The following PTPRD variants were observed in gnomAD, a reference collection of about 807,000 sequenced individuals.
The protein encoded by PTPRD is protein tyrosine phosphatase receptor type D, also known as receptor-type tyrosine-protein phosphatase delta.
Under a neutral mutation model 214.5 loss-of-function variants are expected in PTPRD, and 34 were observed. That is an observed-to-expected ratio of 0.16 (90% CI 0.12 to 0.21). PTPRD has a LOEUF of 0.21. Ranked by LOEUF, PTPRD falls within the 10% of genes least tolerant of loss-of-function variation. The pLI is 1.00. For missense variants in PTPRD, 2,545 were observed against 2,398.7 expected (o/e 1.06, Z -1.27); for synonymous variants, 1,128 against 845.7 (o/e 1.33, Z -5.79).
At chr9:9,325,051 A>G (rs1421417617) in intron 9 of PTPRD, among the ~76,000 whole-genome samples, 1 of 152,108 alleles carries the variant, frequency 6.6e-6, no homozygotes, top group Non-Finnish European at 1.5e-5. Flanking sequence ...ATTGATCTAT[A>G]TCTCTGTTTT....
intron 7 of PTPRD, among the ~76,000 whole-genome samples, chr9:9,657,846 A>T (rs935512739): frequency 6.6e-6 from 1 of 152,094 alleles, no homozygotes; most frequent in Non-Finnish European, 1.5e-5. Flanking sequence ...AATGGACAAA[A>T]CCTCCATAAG....
chr9:9,326,105 G>A (rs567492520), intron 9 of PTPRD, among the ~76,000 whole-genome samples: 4 of 152,066 alleles, frequency 2.6e-5, no homozygotes, highest in African/African-American at 9.6e-5. Flanking sequence ...ATTCTCTTAA[G>A]TGAACTCCAC....
chr9:10,272,272 C>T (rs367855262), intron 3 of PTPRD, among the ~76,000 whole-genome samples: 1 of 152,160 alleles, frequency 6.6e-6, no homozygotes, highest in Non-Finnish European at 1.5e-5. Flanking sequence ...CATCTTGTAA[C>T]ATGTATCAGC....
At chr9:10,427,513 G>A (rs920103662) in intron 2 of PTPRD, among the ~76,000 whole-genome samples, 1 of 151,898 alleles carries the variant, frequency 6.6e-6, no homozygotes, top group Non-Finnish European at 1.5e-5. Context: ...ATGGCCCATC[G>A]GCAGCTGACA....
At chr9:8,775,042 C>G (rs189851809) in intron 11 of PTPRD, among the ~76,000 whole-genome samples, 5 of 152,144 alleles carry the variant, frequency 3.3e-5, no homozygotes, top group Admixed American at 6.5e-5. Context: ...AATAATAACC[C>G]ACAAGTCTCC....
chr9:8,894,234 A>G (rs1465479263), intron 11 of PTPRD, among the ~76,000 whole-genome samples: 1 of 151,796 alleles, frequency 6.6e-6, no homozygotes, highest in Non-Finnish European at 1.5e-5. Flanking sequence ...GCGTGCCTGT[A>G]ATCCCAGCTA....
At chr9:9,038,798 C>T (rs1037116253) in intron 10 of PTPRD, among the ~76,000 whole-genome samples, 3 of 152,016 alleles carry the variant, frequency 2.0e-5, no homozygotes, top group Admixed American at 2.0e-4. Flanking sequence ...CTCAAGTGAT[C>T]AGTCCGCCTC....
At chr9:9,722,079 T>A (rs1013534742) in intron 7 of PTPRD, among the ~76,000 whole-genome samples, 1 of 152,058 alleles carries the variant, frequency 6.6e-6, no homozygotes, top group South Asian at 2.1e-4. Context: ...GGAATCACTT[T>A]ATTAAGATAT....
At chr9:9,622,983 A>G (rs538966060) in intron 7 of PTPRD, among the ~76,000 whole-genome samples, 1 of 152,308 alleles carries the variant, frequency 6.6e-6, no homozygotes, top group East Asian at 1.9e-4. Flanking sequence ...TCAGATAGAG[A>G]TATACAGTTT....
chr9:9,356,522 T>C (rs1272921174), intron 9 of PTPRD, among the ~76,000 whole-genome samples: 1 of 151,410 alleles, frequency 6.6e-6, no homozygotes, highest in Non-Finnish European at 1.5e-5. Flanking sequence ...CCATTTGCAA[T>C]AGATTTTACT....
intron 10 of PTPRD, among the ~76,000 whole-genome samples, chr9:9,048,334 T>C (rs2099677505): frequency 6.6e-6 from 1 of 152,126 alleles, no homozygotes; most frequent in Admixed American, 6.6e-5. Context: ...ATCAGTGTAT[T>C]GAAGAGATAT....
intron 2 of PTPRD, among the ~76,000 whole-genome samples, chr9:10,520,992 A>T (rs1429453386): frequency 6.6e-6 from 1 of 151,634 alleles, no homozygotes; most frequent in African/African-American, 2.4e-5. Context: ...CATGTAGCCT[A>T]TGGATCAAGG....
chr9:10,261,086 T>C (rs2093670470), intron 3 of PTPRD, among the ~76,000 whole-genome samples: 1 of 145,538 alleles, frequency 6.9e-6, no homozygotes, highest in African/African-American at 2.5e-5. Flanking sequence ...TGTGTGTATA[T>C]ATATATATAT....
chr9:8,713,004 C>T (rs1162472442), intron 12 of PTPRD, among the ~76,000 whole-genome samples: 2 of 152,174 alleles, frequency 1.3e-5, no homozygotes, highest in Admixed American at 6.5e-5. Flanking sequence ...TAGGCGTGAG[C>T]CACCGCACCC....
chr9:8,694,409 C>T (rs2097865106), intron 12 of PTPRD, among the ~76,000 whole-genome samples: 1 of 152,084 alleles, frequency 6.6e-6, no homozygotes, highest in South Asian at 2.1e-4. Flanking sequence ...ACAAACAACA[C>T]TTCTACAATA....
chr9:8,756,784 T>A (rs2094018560), intron 11 of PTPRD, among the ~76,000 whole-genome samples: 2 of 152,058 alleles, frequency 1.3e-5, no homozygotes, highest in African/African-American at 2.4e-5. Context: ...AAAAAAAAAT[T>A]TAAGTAGTTA....
chr9:8,335,967 A>G (rs917144379), intron 43 of PTPRD, among the ~76,000 whole-genome samples: 1 of 152,200 alleles, frequency 6.6e-6, no homozygotes, highest in Non-Finnish European at 1.5e-5. Flanking sequence ...AAGAGAGGAC[A>G]CAAATGGAAG....
At chr9:8,388,513 C>G (rs756751160) in intron 37 of PTPRD, among the ~76,000 whole-genome samples, 1 of 152,152 alleles carries the variant, frequency 6.6e-6, no homozygotes, top group Non-Finnish European at 1.5e-5. Context: ...CACATGTACT[C>G]AGGAATATGG....
At chr9:10,167,002 A>G (rs560798955) in intron 3 of PTPRD, among the ~76,000 whole-genome samples, 1 of 152,286 alleles carries the variant, frequency 6.6e-6, no homozygotes, top group South Asian at 2.1e-4. Flanking sequence ...ATTGATGGTT[A>G]AAACAAAGTA....
Sources: allele counts gnomAD v4.1 joint callset (sites outside exome capture counted in the v4.1 genomes callset), GRCh38; gene constraint gnomAD v4.1.1; transcripts MANE v1.5; gene names NCBI Gene and HGNC (gene_info 2026-07-23, HGNC 2026-07-21).